TTC39B: variants seen among roughly 807,000 people sequenced by gnomAD.
TTC39B encodes the protein tetratricopeptide repeat protein 39B.
Under a neutral mutation model 96.6 loss-of-function variants are expected in TTC39B, and 92 were observed. The ratio of observed to expected loss-of-function variants is 0.95; its 90% CI spans 0.80 to 1.13. The LOEUF is 1.13. Among genes scored for constraint, TTC39B ranks in the 50% most tolerant of loss-of-function variants. TTC39B has a pLI of 0.00. For synonymous variants in TTC39B, 367 were observed against 299.4 expected (o/e 1.23, Z -2.33); for missense variants, 955 against 809.3 (o/e 1.18, Z -2.18).
chr9:15,195,434 G>A (rs1236512506), intron 8 of TTC39B, among the ~76,000 whole-genome samples: 3 of 152,122 alleles, frequency 2.0e-5, no homozygotes, highest in African/African-American at 7.2e-5. Flanking sequence ...ACTTTGGGTG[G>A]CCAAGGTGGG....
Position 15,267,940 on chromosome 9 carries a change from GA to G in TTC39B, c.248del (p.Phe83SerfsTer61), listed in dbSNP as rs1563775772. On this transcript the variant is annotated frameshift_variant, in exon 2 of 20. Transcript: ENST00000512701. LOFTEE classifies it high-confidence loss of function. ...TTGAGATGGTTTCCAAGGCATCTTCGAAAACGTCCTGGGGGAAATAAAAAAT... is the reference window on the plus strand; with the variant it reads ...TTGAGATGGTTTCCAAGGCATCTTCGAAACGTCCTGGGGGAAATAAAAAAT... The G allele has an allele frequency of 3.7e-6, 6 of 1,610,154 alleles. No homozygotes were observed. The highest frequency in any genetic ancestry group is 5.1e-6 in the Non-Finnish European group (6 of 1,179,026).
At chr9:15,277,063 T>A (rs182835973) in intron 1 of TTC39B, among the ~76,000 whole-genome samples, 1 of 152,336 alleles carries the variant, frequency 6.6e-6, no homozygotes, top group Admixed American at 6.5e-5. Flanking sequence ...TAACTCCCTT[T>A]GCCCTCTAGC....
exon 20 of TTC39B, chr9:15,164,127 T>C (rs1359753655): frequency 1.3e-5 from 2 of 152,224 alleles, no homozygotes; most frequent in East Asian, 3.8e-4. Flanking sequence ...AGATGGATGT[T>C]ACTAACACAT....
chr9:15,172,846 T>C (rs1433645842), intron 19 of TTC39B, among the ~76,000 whole-genome samples: 1 of 152,208 alleles, frequency 6.6e-6, no homozygotes, highest in African/African-American at 2.4e-5. Flanking sequence ...GTATAAGGGC[T>C]ACTCACTGGT....
chr9:15,264,123 G>A (rs1424974492), intron 2 of TTC39B, among the ~76,000 whole-genome samples: 1 of 152,100 alleles, frequency 6.6e-6, no homozygotes, highest in Non-Finnish European at 1.5e-5. Context: ...CAGTCTTCAG[G>A]ATGAGAAAAA....
chr9:15,170,355 G>T (rs968434973), exon 20 of TTC39B: 1 of 152,220 alleles, frequency 6.6e-6, no homozygotes, highest in South Asian at 2.1e-4. Context: ...TGAATACACA[G>T]TAAGGTATTT....
intron 19 of TTC39B, among the ~76,000 whole-genome samples, 164 bp downstream of exon 19, chr9:15,174,855 C>T (rs1375028320): frequency 1.3e-5 from 2 of 152,150 alleles, no homozygotes; most frequent in African/African-American, 2.4e-5. Flanking sequence ...AGCACAATTA[C>T]AGCAAAAGCC....
intron 3 of TTC39B, among the ~76,000 whole-genome samples, chr9:15,215,562 AAAAT>A (rs1357573182): frequency 6.8e-6 from 1 of 146,450 alleles, no homozygotes; most frequent in African/African-American, 2.6e-5. Flanking sequence ...CATCTCAAAA[AAAAT>A]AAATAAATGA....
intron 8 of TTC39B, among the ~76,000 whole-genome samples, chr9:15,195,914 G>A (rs1747021244): frequency 6.6e-6 from 1 of 152,152 alleles, no homozygotes; most frequent in African/African-American, 2.4e-5. Context: ...ACTCTTGTTA[G>A]GGACTAATGG....
At chr9:15,232,807 C>T (rs1373102641) in intron 2 of TTC39B, among the ~76,000 whole-genome samples, 4 of 152,170 alleles carry the variant, frequency 2.6e-5, no homozygotes, top group African/African-American at 9.7e-5. Context: ...TGGCTAACGG[C>T]GACGTAGCTG....
chr9:15,290,042 T>A (rs1189965308), intron 1 of TTC39B, among the ~76,000 whole-genome samples: 1 of 152,232 alleles, frequency 6.6e-6, no homozygotes, highest in Non-Finnish European at 1.5e-5. Context: ...ATCCTAATCA[T>A]ATATAATGAC....
At chr9:15,204,712 C>T (rs1322635143) in intron 6 of TTC39B, among the ~76,000 whole-genome samples, 5 of 152,066 alleles carry the variant, frequency 3.3e-5, no homozygotes, top group Admixed American at 6.6e-5. Context: ...ATGTCCTGCA[C>T]GGCCACGTTA....
At position 15,228,511 on chromosome 9, in the gene TTC39B, T is replaced by C. The variant is rs115234071; in HGVS notation, c.276-2499A>G. On this transcript the variant is annotated intron_variant, in intron 2 of 19. Coordinates refer to ENST00000512701, the Ensembl canonical transcript of TTC39B. ...TGAATTGGGAGGCCTTCAGCAAAGATGGTTCCTATACGAGCAAATGGAAAC... is the reference window on the plus strand; with the variant it reads ...TGAATTGGGAGGCCTTCAGCAAAGACGGTTCCTATACGAGCAAATGGAAAC... Among the ~76,000 whole-genome samples, 956 of 152,282 alleles carry C rather than the reference T, an allele frequency of 6.3e-3. 22 individuals are homozygous for C. The highest frequency in any genetic ancestry group is 0.022 in the African/African-American group (900 of 41,560).
At chr9:15,278,716 C>T (rs1823641456) in intron 1 of TTC39B, among the ~76,000 whole-genome samples, 1 of 152,168 alleles carries the variant, frequency 6.6e-6, no homozygotes, top group Non-Finnish European at 1.5e-5. Flanking sequence ...CAGTTTCTTC[C>T]TATAAATAAT....
intron 5 of TTC39B, 97 bp from the exon 6 acceptor site, chr9:15,210,261 A>G: frequency 4.0e-6 from 3 of 755,542 alleles, no homozygotes. Context: ...CTATCACACC[A>G]AAGAGTCAAA....
exon 20 of TTC39B, chr9:15,165,566 T>A (rs1397936510): frequency 3.9e-5 from 6 of 152,126 alleles, no homozygotes; most frequent in Non-Finnish European, 4.4e-5. Context: ...AAAAAAGAGG[T>A]ATAATTGACT....
chr9:15,271,341 T>C (rs948964541), intron 1 of TTC39B, among the ~76,000 whole-genome samples: 7 of 152,216 alleles, frequency 4.6e-5, no homozygotes, highest in African/African-American at 1.7e-4. Flanking sequence ...AAAGACTACC[T>C]CAAAGATTAT....
chr9:15,185,299 T>A (rs1451036934), exon 16 of TTC39B: 1 of 1,613,242 alleles, frequency 6.2e-7, no homozygotes, highest in Admixed American at 1.7e-5. Context: ...TAAGATGAGC[T>A]TCACAGGTGC....
intron 8 of TTC39B, among the ~76,000 whole-genome samples, chr9:15,198,461 A>AT (rs1819313876): frequency 3.4e-5 from 4 of 117,320 alleles, no homozygotes; most frequent in Non-Finnish European, 5.4e-5. Context: ...CGGTCGCAAA[A>AT]ATATATATAT....
Sources: gnomAD v4.1 joint callset for allele counts (sites outside exome capture counted in the v4.1 genomes callset) on GRCh38, gnomAD v4.1.1 for gene constraint, MANE v1.5 for transcripts, NCBI Gene and HGNC (gene_info 2026-07-23, HGNC 2026-07-21) for gene names.